The following PPHLN1 variants were observed in gnomAD, a reference collection of about 807,000 sequenced individuals.
PPHLN1 encodes the protein periphilin-1.
PPHLN1 carries 29 observed loss-of-function variants against 51.3 expected under a neutral mutation model. The ratio of observed to expected loss-of-function variants is 0.57; its 90% CI spans 0.42 to 0.77. The LOEUF (loss-of-function observed/expected upper bound fraction) is 0.77. Among genes scored for constraint, PPHLN1 ranks in the 30% least tolerant of loss-of-function variants. The probability of loss-of-function intolerance (pLI) is 0.00; values close to 1 mark genes in which losing one functional copy is unlikely to be tolerated. For synonymous variants in PPHLN1, 147 were observed against 147.8 expected (o/e 0.99, Z 0.04); for missense variants, 436 against 438.4 (o/e 0.99, Z 0.05).
downstream of PPHLN1, chr12:42,446,659 TC>T (rs1301807653): frequency 5.7e-6 from 9 of 1,584,386 alleles, no homozygotes; most frequent in Admixed American, 1.5e-4. Context: ...ACATCTGTAC[TC>T]GTCAATCAAC....
intron 9 of PPHLN1, among the ~76,000 whole-genome samples, chr12:42,413,027 T>C (rs920303677): frequency 6.6e-6 from 1 of 152,242 alleles, no homozygotes; most frequent in African/African-American, 2.4e-5. Flanking sequence ...TAGTCCTTTG[T>C]CAGATGCATA....
intron 2 of PPHLN1, among the ~76,000 whole-genome samples, chr12:42,345,464 C>T (rs1352276615): frequency 6.6e-6 from 1 of 151,694 alleles, no homozygotes; most frequent in African/African-American, 2.4e-5. Flanking sequence ...TTTGGTCTGA[C>T]TGATCATACC....
intron 1 of PPHLN1, chr12:42,332,636 C>T (rs1035945167): frequency 3.9e-6 from 6 of 1,531,380 alleles, no homozygotes; most frequent in South Asian, 3.4e-5. Flanking sequence ...CAAATCTTTA[C>T]GTCTGTATTT....
intron 1 of PPHLN1, among the ~76,000 whole-genome samples, chr12:42,327,091 A>T (rs1029243628): frequency 3.3e-5 from 5 of 152,200 alleles, no homozygotes; most frequent in Non-Finnish European, 5.9e-5. Flanking sequence ...ACCATGCTTT[A>T]CATCTCTGTT....
chr12:42,427,933 A>C (rs1277952662), intron 9 of PPHLN1, among the ~76,000 whole-genome samples: 1 of 152,222 alleles, frequency 6.6e-6, no homozygotes, highest in African/African-American at 2.4e-5. Context: ...AATCACATCA[A>C]AAAGTGGGCT....
intron 5 of PPHLN1, among the ~76,000 whole-genome samples, chr12:42,377,608 C>T (rs1025717129): frequency 1.5e-4 from 23 of 152,068 alleles, no homozygotes; most frequent in African/African-American, 5.3e-4. Context: ...TCTGCCCTTA[C>T]GACCTGTTTT....
At chr12:42,382,986 C>T (rs1402442254) in intron 5 of PPHLN1, among the ~76,000 whole-genome samples, 1 of 152,056 alleles carries the variant, frequency 6.6e-6, no homozygotes, top group African/African-American at 2.4e-5. Flanking sequence ...AAAAAACAAA[C>T]AAACCCCAAA....
intron 4 of PPHLN1, among the ~76,000 whole-genome samples, chr12:42,362,762 T>A (rs2074837774): frequency 6.6e-6 from 1 of 152,242 alleles, no homozygotes; most frequent in Non-Finnish European, 1.5e-5. Flanking sequence ...CTGTGGGAAA[T>A]CTGGCTCCCA....
At chr12:42,329,392 A>C (rs778283440) in intron 1 of PPHLN1, among the ~76,000 whole-genome samples, 4 of 152,184 alleles carry the variant, frequency 2.6e-5, no homozygotes, top group Non-Finnish European at 5.9e-5. Flanking sequence ...AGCGTGAGCC[A>C]CCGCGCCCGG....
At chr12:42,387,720 G>A (rs536215443) in intron 7 of PPHLN1, among the ~76,000 whole-genome samples, 185 bp downstream of exon 7, 8 of 152,194 alleles carry the variant, frequency 5.3e-5, no homozygotes, top group Non-Finnish European at 1.2e-4. Context: ...GACTGAGATT[G>A]TAGGGAAAAG....
At chr12:42,425,038 T>TTATGTATGTATATATGTATGTATG (rs1555219786) in intron 9 of PPHLN1, among the ~76,000 whole-genome samples, 2 of 136,864 alleles carry the variant, frequency 1.5e-5, no homozygotes, top group African/African-American at 5.6e-5. Context: ...TTATTTTATT[T>TTATGTATGTATATATGTATGTATG]TATGTATGTA....
Position 42,433,584 on chromosome 12 carries a change from A to G in PPHLN1, c.910-7731A>G, listed in dbSNP as rs137929379. Reference sequence around the variant, plus strand: ...GTGATCCACCTGCCTCAGCCTCCCAATTGCTGGGATTACAGGCGTGAGCCA... The same window carrying G: ...GTGATCCACCTGCCTCAGCCTCCCAGTTGCTGGGATTACAGGCGTGAGCCA... On this transcript the variant is annotated intron_variant, in intron 9 of 9. Coordinates refer to ENST00000358314, the MANE Select transcript of PPHLN1 (RefSeq NM_201439.2). 5.5e-3 allele frequency among the ~76,000 whole-genome samples: 833 copies of G among 152,276 alleles called. 7 individuals carry two copies. The highest frequency in any genetic ancestry group is 0.019 in the African/African-American group (795 of 41,554).
chr12:42,445,079 C>T (rs147584490), downstream of PPHLN1: 258 of 702,358 alleles, frequency 3.7e-4, 1 homozygote, highest in Middle Eastern at 2.1e-3. Context: ...AGTCTACTCT[C>T]GAGCCGGCCC....
intron 9 of PPHLN1, among the ~76,000 whole-genome samples, chr12:42,434,087 A>G (rs141265772): frequency 6.6e-6 from 1 of 152,154 alleles, no homozygotes; most frequent in African/African-American, 2.4e-5. Context: ...TGCCCTACAT[A>G]TCTCTTCTAT....
At chr12:42,371,405 A>G (rs533486991) in intron 4 of PPHLN1, among the ~76,000 whole-genome samples, 2 of 152,142 alleles carry the variant, frequency 1.3e-5, no homozygotes, top group Non-Finnish European at 2.9e-5. Context: ...AGCATGAGCC[A>G]CTGCACCCGG....
intron 9 of PPHLN1, among the ~76,000 whole-genome samples, chr12:42,405,645 G>T (rs1357238385): frequency 6.6e-6 from 1 of 151,428 alleles, no homozygotes; most frequent in African/African-American, 2.5e-5. Flanking sequence ...TGCAATATAT[G>T]TTATTTCTGT....
At chr12:42,386,528 T>C (rs928959596) in intron 6 of PPHLN1, among the ~76,000 whole-genome samples, 2 of 152,242 alleles carry the variant, frequency 1.3e-5, no homozygotes, top group African/African-American at 4.8e-5. Context: ...TCTCTGCTTT[T>C]GCTCTTGACT....
At position 42,398,883 on chromosome 12, in the gene PPHLN1, C is replaced by G. The variant is rs764797113; in HGVS notation, c.798C>G (p.Asp266Glu). Residue 266 changes from aspartate (D) to glutamate (E), a missense_variant, in exon 9 of 10, where the codon GAC becomes GAG. Transcript: ENST00000358314. ...EAGSTAPLFT[D>E]QPEEPESNTT... ...GATCCACAGCACCATTGTTTACTGA[C>G]CAGCCAGAGGAACCTGAGTCAAACA... is the stretch of plus-strand genomic sequence containing the variant. 6.2e-7 allele frequency: 1 copy of G among 1,613,774 alleles called. No homozygotes were observed. Among genetic ancestry groups the G allele is most frequent in the Non-Finnish European group, 8.5e-7 (1 of 1,179,892 alleles).
chr12:42,431,862 T>C, intron 9 of PPHLN1: 1 of 1,584,302 alleles, frequency 6.3e-7, no homozygotes, highest in Non-Finnish European at 8.7e-7. Context: ...TAACTGAAGC[T>C]GTATCAGATT....
Sources: gnomAD v4.1 joint callset for allele counts (sites outside exome capture counted in the v4.1 genomes callset) on GRCh38, gnomAD v4.1.1 for gene constraint, MANE v1.5 for transcripts, NCBI Gene and HGNC (gene_info 2026-07-23, HGNC 2026-07-21) for gene names.